HABP2: variants seen among roughly 807,000 people sequenced by gnomAD.
HABP2 encodes factor VII-activating protease.
A neutral mutation model predicts 66.5 loss-of-function variants in HABP2; 65 were observed. The ratio of observed to expected loss-of-function variants is 0.98; its 90% CI spans 0.80 to 1.20. The LOEUF is 1.20. HABP2 is among the 50% of genes most tolerant of loss of function. The pLI, the probability that HABP2 is intolerant of heterozygous loss-of-function variation, is 0.00. For missense variants in HABP2, 786 were observed against 691.0 expected (o/e 1.14, Z -1.54); for synonymous variants, 263 against 253.9 (o/e 1.04, Z -0.34).
chr10:113,567,381 C>T (rs1477877298), intron 1 of HABP2, 108 bp from the exon 2 acceptor site: 2 of 812,104 alleles, frequency 2.5e-6, no homozygotes, highest in Non-Finnish European at 4.3e-6. Context: ...CATCAGAAAG[C>T]ACGCAGTGCA....
At chr10:113,555,933 G>A (rs189458877) in intron 1 of HABP2, among the ~76,000 whole-genome samples, 3 of 152,252 alleles carry the variant, frequency 2.0e-5, no homozygotes, top group Non-Finnish European at 4.4e-5. Flanking sequence ...GGGCCCAGCT[G>A]GGCTCAGCCA....
intron 1 of HABP2, among the ~76,000 whole-genome samples, chr10:113,564,603 C>T (rs1160477166): frequency 1.3e-5 from 2 of 152,146 alleles, no homozygotes; most frequent in African/African-American, 4.8e-5. Flanking sequence ...CAAATGACCT[C>T]TCTTCCTTTT....
chr10:113,589,435 T>G lies in HABP2; in HGVS notation c.*1066T>G, dbSNP rs1030901032. 5.0e-6 allele frequency: 3 copies of G among 603,708 alleles called. No homozygotes were observed. The highest frequency in any genetic ancestry group is 3.7e-5 in the African/African-American group (2 of 54,138). 37.4% of individuals were successfully genotyped at this position (603,708 alleles called of 1,614,324 possible). On this transcript the variant is annotated 3_prime_UTR_variant, in exon 13 of 13. Transcript: ENST00000351270. ...GATGTAGCCCCGGTAGGTTTGCCTC[T>G]GCAGAACTAATGGCTGTGACTTCAG...
intron 11 of HABP2, among the ~76,000 whole-genome samples, 170 bp from the exon 12 acceptor site, chr10:113,585,623 A>C (rs536443447): frequency 6.6e-6 from 1 of 152,188 alleles, no homozygotes; most frequent in African/African-American, 2.4e-5. Context: ...GCAGGTCTGC[A>C]CTGGCATGGT....
Position 113,573,571 on chromosome 10 carries a change from C to G in HABP2, c.107-718C>G, listed in dbSNP as rs3781381. Reference sequence around the variant, plus strand: ...TAGTTCATATCCTGCCCTTTAGTAACTATGTGTCCTTGGCCAAGTTACTCA... The same window carrying G: ...TAGTTCATATCCTGCCCTTTAGTAAGTATGTGTCCTTGGCCAAGTTACTCA... On this transcript the variant is annotated intron_variant, in intron 2 of 12. Transcript: ENST00000351270. Among the ~76,000 whole-genome samples, 10 of 152,252 alleles carry G rather than the reference C, an allele frequency of 6.6e-5. No individual in the cohort carries two copies. In the East Asian group the frequency reaches 1.9e-3, roughly 29 times the overall value.
chr10:113,552,620 A>T (rs1844917782), upstream of HABP2, among the ~76,000 whole-genome samples: 1 of 152,192 alleles, frequency 6.6e-6, no homozygotes, highest in Non-Finnish European at 1.5e-5. Context: ...GCATCCTTTA[A>T]TTTATGTCTC....
Position 113,574,308 on chromosome 10 carries a change from T to C in HABP2, c.126T>C (p.Tyr42=), listed in dbSNP as rs769702455. The C allele has an allele frequency of 2.5e-6, 4 of 1,596,370 alleles. No homozygotes were observed. The East Asian group carries it at 6.7e-5, about 27-fold the overall frequency. Residue 42 remains tyrosine, a synonymous_variant, in exon 3 of 13, where the codon TAT becomes TAC. Coordinates refer to ENST00000351270, the MANE Select transcript of HABP2 (RefSeq NM_004132.5). The part of the protein sequence containing the change: ...SLDPDWTPDQ[Y]DYSYEDYNQE... ...CTGCAGACTGGACCCCTGACCAGTATGATTACAGCTACGAGGATTATAATC... is the reference window on the plus strand; with the variant it reads ...CTGCAGACTGGACCCCTGACCAGTACGATTACAGCTACGAGGATTATAATC...
At position 113,588,937 on chromosome 10, in the gene HABP2, T is replaced by G; in HGVS notation, c.*568T>G. On this transcript the variant is annotated 3_prime_UTR_variant, in exon 13 of 13. Transcript: ENST00000351270. ...TGAAGCCTGTCTCTGGTGAACAAACTTCCTCTCTGGCCTCTCAGGAATCAG... is the reference window on the plus strand; with the variant it reads ...TGAAGCCTGTCTCTGGTGAACAAACGTCCTCTCTGGCCTCTCAGGAATCAG... 1.3e-6 allele frequency: 2 copies of G among 1,544,336 alleles called. No individual in the cohort carries two copies. The highest frequency in any genetic ancestry group is 1.1e-5 in the South Asian group (1 of 89,094).
At position 113,589,527 on chromosome 10, in the gene HABP2, G is replaced by T. The variant is rs1377311669; in HGVS notation, c.*1158G>T. On this transcript the variant is annotated 3_prime_UTR_variant, in exon 13 of 13. Transcript: ENST00000351270. ...GGTCATCTCAGACCCATGAAATTAG[G>T]CGCCTTGTTTGAGCTGCGTTTCACA... is the stretch of plus-strand genomic sequence containing the variant. 29 of 981,928 alleles carry T rather than the reference G, an allele frequency of 3.0e-5. No homozygotes were observed. Among genetic ancestry groups the T allele is most frequent in the Non-Finnish European group, 4.2e-5 (28 of 666,886 alleles). The allele number at this position is 981,928 out of a possible 1,614,324, so 60.8% of individuals were successfully genotyped here. A position where few individuals can be genotyped will look rare whatever the true frequency, so the allele number is the denominator to read the frequency against.
At chr10:113,554,754 A>G (rs987560181) in intron 1 of HABP2, among the ~76,000 whole-genome samples, 4 of 152,236 alleles carry the variant, frequency 2.6e-5, no homozygotes, top group African/African-American at 9.6e-5. Context: ...TGAAGTTCAC[A>G]AAAGGATAAT....
At chr10:113,576,263 A>T (rs1845407862) in intron 4 of HABP2, among the ~76,000 whole-genome samples, 1 of 152,154 alleles carries the variant, frequency 6.6e-6, no homozygotes, top group African/African-American at 2.4e-5. Flanking sequence ...TCTAACCAAG[A>T]TATATCCCAA....
intron 2 of HABP2, 107 bp downstream of exon 2, chr10:113,567,632 C>T (rs887875637): frequency 1.2e-6 from 1 of 828,574 alleles, no homozygotes; most frequent in Non-Finnish European, 2.1e-6. Context: ...CAGGGTTCAA[C>T]TGGTTCCAGG....
intron 1 of HABP2, among the ~76,000 whole-genome samples, chr10:113,554,425 C>T (rs1166730249): frequency 6.6e-6 from 1 of 152,224 alleles, no homozygotes; most frequent in East Asian, 1.9e-4. Flanking sequence ...AATAGCTTCT[C>T]CTTTCTTTTC....
At chr10:113,583,016 A>T (rs1845569329) in intron 9 of HABP2, among the ~76,000 whole-genome samples, 200 bp from the exon 10 acceptor site, 1 of 152,224 alleles carries the variant, frequency 6.6e-6, no homozygotes, top group South Asian at 2.1e-4. Flanking sequence ...GGTAAAAGTT[A>T]TAGCTTATAT....
intron 10 of HABP2, among the ~76,000 whole-genome samples, chr10:113,583,565 G>T (rs768910977): frequency 2.0e-5 from 3 of 152,164 alleles, no homozygotes; most frequent in Non-Finnish European, 4.4e-5. Flanking sequence ...TTAAACTGAG[G>T]GGAAGCAATG....
In HABP2 at chr10:113,589,217, C is replaced by A. The variant is rs1200983011; in HGVS notation, c.*848C>A. The A allele has an allele frequency of 1.1e-5, 7 of 660,336 alleles. No individual in the cohort carries two copies. Among genetic ancestry groups the A allele is most frequent in the South Asian group, 2.0e-5 (1 of 49,754 alleles). The allele number at this position is 660,336 out of a possible 1,614,324, so 40.9% of individuals were successfully genotyped here. ...CTCCCTTTCCTTTTCCCCTCTTCTA[C>A]CCTCCCCAAGAAAAAGGGCCTTCAA... On this transcript the variant is annotated 3_prime_UTR_variant, in exon 13 of 13. Coordinates refer to ENST00000351270, the MANE Select transcript of HABP2 (RefSeq NM_004132.5).
At chr10:113,575,136 C>T (rs1845386143) in intron 3 of HABP2, among the ~76,000 whole-genome samples, 1 of 152,160 alleles carries the variant, frequency 6.6e-6, no homozygotes. Flanking sequence ...TGCAAAGTGG[C>T]CTGGAAGGCA....
Position 113,588,213 on chromosome 10 carries a change from TGGAG to T in HABP2, c.1529_1532del (p.Gly510AlafsTer3). On this transcript the variant is annotated frameshift_variant, in exon 13 of 13. Coordinates refer to ENST00000351270, the MANE Select transcript of HABP2 (RefSeq NM_004132.5). LOFTEE classifies it high-confidence loss of function. The stretch of plus-strand genomic sequence containing the variant: ...GCCTCTGTTTCCCTTAGGGTGACTC[TGGAG>T]GCCCCCTGACCTGTGAGAAGGACGG... 6.2e-7 allele frequency: 1 copy of T among 1,603,736 alleles called. No individual in the cohort carries two copies. The highest frequency in any genetic ancestry group is 8.5e-7 in the Non-Finnish European group (1 of 1,175,798).
intron 2 of HABP2, among the ~76,000 whole-genome samples, chr10:113,570,463 C>T (rs1565100965): frequency 1.3e-5 from 2 of 152,294 alleles, no homozygotes; most frequent in South Asian, 4.2e-4. Flanking sequence ...AACAGCTGCC[C>T]CTTTCTTTCC....
Sources: allele counts gnomAD v4.1 joint callset (sites outside exome capture counted in the v4.1 genomes callset), GRCh38; gene constraint gnomAD v4.1.1; transcripts MANE v1.5; gene names NCBI Gene and HGNC (gene_info 2026-07-23, HGNC 2026-07-21).